Variants in MYPN observed in about 807,000 individuals in gnomAD.
MYPN encodes myopalladin, also known as sarcomeric protein myopalladin, 145 kDa (MYOP).
MYPN carries 63 observed loss-of-function variants against 129.4 expected under a neutral mutation model. The observed-to-expected ratio is 0.49, with a 90% CI of 0.40 to 0.60. The LOEUF is 0.60. Among genes scored for constraint, MYPN ranks in the 20% least tolerant of loss-of-function variants. The pLI, the probability that MYPN is intolerant of heterozygous loss-of-function variation, is 0.00. For synonymous variants in MYPN, 629 were observed against 600.9 expected (o/e 1.05, Z -0.68); for missense variants, 1,596 against 1,635.4 (o/e 0.98, Z 0.42).
intron 19 of MYPN, 28 bp from the exon 20 acceptor site, chr10:68,210,258 A>G (rs1322537837): frequency 1.9e-6 from 3 of 1,612,304 alleles, no homozygotes; most frequent in East Asian, 2.2e-5. Context: ...TCCTTTGATC[A>G]TAACACATTA....
rs182996382 is a variant in MYPN at position 68,170,390 on chromosome 10, T to C, written c.1974-3676T>C. On this transcript the variant is annotated intron_variant, in intron 10 of 19. Transcript: ENST00000358913. ...CTTTTCTCTTGTATATATGTATATG[T>C]TTACATTAGTATAGATATGAATATA... 2.3e-3 allele frequency among the ~76,000 whole-genome samples: 346 copies of C among 152,294 alleles called. 8 individuals are homozygous for C. Among genetic ancestry groups the C allele is most frequent in the South Asian group, 0.022 (107 of 4,824 alleles).
At chr10:68,104,175 T>C (rs1013795608), upstream of MYPN, among the ~76,000 whole-genome samples, 3 of 152,212 alleles carry the variant, frequency 2.0e-5, no homozygotes, top group African/African-American at 7.2e-5. Context: ...CCCATTTCCT[T>C]TCCCGCACAT....
intron 12 of MYPN, among the ~76,000 whole-genome samples, chr10:68,177,038 G>C (rs2043238248): frequency 6.6e-6 from 1 of 152,196 alleles, no homozygotes. Context: ...AGCAATTAGA[G>C]CCTTGTAAAA....
Position 68,192,457 on chromosome 10 carries a change from C to CTGT in MYPN, c.2926-1894_2926-1892dup, listed in dbSNP as rs554010035. Among the ~76,000 whole-genome samples the CTGT allele has an allele frequency of 2.2e-3, 319 of 145,242 alleles. 2 individuals are homozygous for CTGT. The highest frequency in any genetic ancestry group is 6.6e-3 in the African/African-American group (257 of 39,178). On this transcript the variant is annotated intron_variant, in intron 13 of 19. Transcript: ENST00000358913. ...TTATCAGGAATATTTACCTGTAGTT[C>CTGT]TGTTGTTGTTGTTGCTGTTGTTGTT...
At chr10:68,182,471 T>TACACAC (rs71009019) in intron 12 of MYPN, among the ~76,000 whole-genome samples, 3,737 of 104,524 alleles carry the variant, frequency 0.036, 303 homozygotes, top group African/African-American at 0.12. Flanking sequence ...ATAACATATA[T>TACACAC]ACACACACAC....
rs145324320 is a variant in MYPN, at chr10:68,177,650, G to A, written c.2703+2189G>A. On this transcript the variant is annotated intron_variant, in intron 12 of 19. Transcript: ENST00000358913. ...GCTGGTGAAGTTAAGAAGAAAGTCA[G>A]CTTAGGAAAGTGTAAAAACACTAGA... Among the ~76,000 whole-genome samples, 326 of 152,314 alleles carry A rather than the reference G, an allele frequency of 2.1e-3. 3 individuals carry two copies. Among genetic ancestry groups the A allele is most frequent in the African/African-American group, 7.3e-3 (304 of 41,574 alleles).
At chr10:68,110,345 T>C (rs1321598515) in intron 1 of MYPN, among the ~76,000 whole-genome samples, 2 of 152,198 alleles carry the variant, frequency 1.3e-5, no homozygotes, top group African/African-American at 4.8e-5. Flanking sequence ...ATGTTTGGCC[T>C]GGTACATTGC....
intron 2 of MYPN, chr10:68,136,777 T>A: frequency 1.3e-6 from 2 of 1,501,956 alleles, no homozygotes; most frequent in Non-Finnish European, 1.8e-6. Context: ...AATCCTATAA[T>A]GTTTGTATAA....
chr10:68,182,201 A>G (rs1216202493), intron 12 of MYPN, among the ~76,000 whole-genome samples: 5 of 142,218 alleles, frequency 3.5e-5, no homozygotes, highest in East Asian at 2.2e-4. Context: ...CTACCTGGTT[A>G]CTAATGTTAT....
At chr10:68,183,189 G>T (rs1206423733) in intron 12 of MYPN, among the ~76,000 whole-genome samples, 1 of 152,162 alleles carries the variant, frequency 6.6e-6, no homozygotes, top group Non-Finnish European at 1.5e-5. Flanking sequence ...GGCCAGGCAC[G>T]GTGACTCACG....
chr10:68,174,775 T>G, intron 11 of MYPN, 119 bp downstream of exon 11: 1 of 942,650 alleles, frequency 1.1e-6, no homozygotes, highest in South Asian at 1.4e-5. Flanking sequence ...CTTATTCTCT[T>G]AGGCACAGAA....
In MYPN at chr10:68,166,316, CG is replaced by C; in HGVS notation, c.1626del (p.Ser543LeufsTer41). On this transcript the variant is annotated frameshift_variant, in exon 10 of 20. Transcript: ENST00000358913. LOFTEE classifies it high-confidence loss of function. Reference protein sequence around the residue: ...VRGNEDLSNNGSLHSANSTTN... With the variant: ...VRGNEDLSNNXSLHSANSTTN... Reference sequence around the variant, plus strand: ...CAGGAAATGAGGACCTCAGCAACAACGGGTCTCTTCACTCAGCCAACTCTAC... The same window carrying C: ...CAGGAAATGAGGACCTCAGCAACAACGGTCTCTTCACTCAGCCAACTCTAC... The C allele has an allele frequency of 6.2e-7, 1 of 1,614,072 alleles. No homozygotes were observed. Among genetic ancestry groups the C allele is most frequent in the Non-Finnish European group, 8.5e-7 (1 of 1,180,026 alleles).
intron 1 of MYPN, among the ~76,000 whole-genome samples, chr10:68,114,776 T>G (rs576051881): frequency 2.6e-5 from 4 of 152,342 alleles, no homozygotes; most frequent in Admixed American, 2.6e-4. Flanking sequence ...TGTTGCCAAA[T>G]TATTTTACGT....
At chr10:68,201,631 G>A (rs1339239504) in intron 17 of MYPN, among the ~76,000 whole-genome samples, 198 bp from the exon 18 acceptor site, 1 of 152,118 alleles carries the variant, frequency 6.6e-6, no homozygotes, top group Non-Finnish European at 1.5e-5. Context: ...AGCCAGGCTT[G>A]GCGGTGCACG....
At chr10:68,148,611 G>A (rs2042711429) in intron 5 of MYPN, 144 bp downstream of exon 5, 3 of 756,404 alleles carry the variant, frequency 4.0e-6, no homozygotes, top group Non-Finnish European at 7.1e-6. Context: ...TGATGTTTGA[G>A]AGCAGTGGTT....
chr10:68,157,069 G>A (rs2042887834), intron 6 of MYPN, among the ~76,000 whole-genome samples: 1 of 152,172 alleles, frequency 6.6e-6, no homozygotes, highest in Admixed American at 6.6e-5. Flanking sequence ...GAAAAAATGT[G>A]CATTTTATTA....
At chr10:68,207,526 G>C (rs937660032) in intron 19 of MYPN, among the ~76,000 whole-genome samples, 1 of 152,056 alleles carries the variant, frequency 6.6e-6, no homozygotes, top group South Asian at 2.1e-4. Context: ...TTGCTGCCGC[G>C]GGCCACCCAC....
intron 12 of MYPN, among the ~76,000 whole-genome samples, chr10:68,187,567 T>G (rs2043441950): frequency 6.6e-6 from 1 of 152,176 alleles, no homozygotes; most frequent in Admixed American, 6.5e-5. Context: ...TACAAGTATC[T>G]CTTGGGGACA....
chr10:68,090,027 G>C (rs940951934), intron 1 of MYPN, among the ~76,000 whole-genome samples: 1 of 152,042 alleles, frequency 6.6e-6, no homozygotes, highest in African/African-American at 2.4e-5. Context: ...CGCCTTGCAG[G>C]TATTAGATTA....
Sources: gnomAD v4.1 joint callset for allele counts (sites outside exome capture counted in the v4.1 genomes callset) on GRCh38, gnomAD v4.1.1 for gene constraint, MANE v1.5 for transcripts, NCBI Gene and HGNC (gene_info 2026-07-23, HGNC 2026-07-21) for gene names.